MAP1B: variants seen among roughly 807,000 people sequenced by gnomAD.
MAP1B encodes the protein microtubule associated protein 1B, also known as microtubule-associated protein 1B.
Under a neutral mutation model 176.1 loss-of-function variants are expected in MAP1B, and 12 were observed. The ratio of observed to expected loss-of-function variants is 0.07; its 90% CI spans 0.04 to 0.11. The LOEUF (loss-of-function observed/expected upper bound fraction) is 0.11, where lower values mean the gene tolerates loss of function less well. MAP1B is among the 10% of genes least tolerant of loss of function. The probability of loss-of-function intolerance (pLI) is 1.00; values close to 1 mark genes in which losing one functional copy is unlikely to be tolerated. For missense variants in MAP1B, 2,523 were observed against 2,990.5 expected, an observed-to-expected ratio of 0.84 and a Z score of 3.65; for synonymous variants, 1,044 against 1,135.0, an observed-to-expected ratio of 0.92 and a Z score of 1.61.
intron 2 of MAP1B, among the ~76,000 whole-genome samples, chr5:72,164,076 C>T (rs1361790206): frequency 2.0e-5 from 3 of 151,418 alleles, no homozygotes; most frequent in Non-Finnish European, 4.4e-5. Flanking sequence ...AGGACAAGTA[C>T]TTGGGACATG....
intron 1 of MAP1B, 114 bp from the exon 2 acceptor site, chr5:72,115,584 A>G (rs1745417474): frequency 1.4e-6 from 1 of 698,818 alleles, no homozygotes; most frequent in Non-Finnish European, 2.6e-6. Context: ...GCTCTTCAGA[A>G]AAGGAGTTCC....
intron 2 of MAP1B, among the ~76,000 whole-genome samples, chr5:72,178,157 C>G (rs1746688724): frequency 6.6e-6 from 1 of 152,148 alleles, no homozygotes; most frequent in African/African-American, 2.4e-5. Flanking sequence ...CATGCACCAC[C>G]ATGCCTGGCT....
intron 1 of MAP1B, among the ~76,000 whole-genome samples, chr5:72,109,454 G>T (rs1745269655): frequency 6.6e-6 from 1 of 152,168 alleles, no homozygotes; most frequent in Non-Finnish European, 1.5e-5. Context: ...TTTGGGTGTG[G>T]CTATTGTGGG....
In MAP1B at chr5:72,195,732, G is replaced by A. The variant is rs765667619; in HGVS notation, c.2377G>A (p.Glu793Lys). Residue 793 changes from glutamate to lysine, a missense_variant, in exon 5 of 7, where the codon GAG becomes AAG. Coordinates refer to ENST00000296755, the MANE Select transcript of MAP1B (RefSeq NM_005909.5). ...KVIKKEGKAAEAVAAAVGTGA... is the reference protein window; with the variant it reads ...KVIKKEGKAAKAVAAAVGTGA... ...CATTAAGAAGGAAGGCAAGGCCGCA[G>A]AGGCTGTCGCTGCAGCTGTCGGCAC... is the stretch of plus-strand genomic sequence containing the variant. 1.2e-6 allele frequency: 2 copies of A among 1,614,264 alleles called. No homozygotes were observed. The highest frequency in any genetic ancestry group is 3.3e-4 in the Middle Eastern group (2 of 6,062).
intron 2 of MAP1B, among the ~76,000 whole-genome samples, chr5:72,128,448 A>G (rs1395788962): frequency 6.6e-6 from 1 of 152,052 alleles, no homozygotes; most frequent in African/African-American, 2.4e-5. Context: ...ACAGAGAAAA[A>G]AGAAAGTGTG....
chr5:72,130,409 A>G (rs1436363811), intron 2 of MAP1B, among the ~76,000 whole-genome samples: 1 of 152,220 alleles, frequency 6.6e-6, no homozygotes, highest in Non-Finnish European at 1.5e-5. Flanking sequence ...AGTGCCAGGC[A>G]TGTGGGCTTA....
At chr5:72,179,607 G>A in intron 2 of MAP1B, 1 of 985,498 alleles carries the variant, frequency 1.0e-6, no homozygotes, top group African/African-American at 1.7e-5. Flanking sequence ...GCGCGTCAGG[G>A]CCCCTCTGCC....
chr5:72,172,750 A>T (rs1057280058), intron 2 of MAP1B, among the ~76,000 whole-genome samples: 2 of 152,236 alleles, frequency 1.3e-5, no homozygotes, highest in African/African-American at 4.8e-5. Flanking sequence ...AATACATAAA[A>T]ATCATGTGAG....
intron 2 of MAP1B, among the ~76,000 whole-genome samples, chr5:72,122,739 A>G (rs891177658): frequency 6.6e-6 from 1 of 151,742 alleles, no homozygotes; most frequent in Middle Eastern, 3.4e-3. Flanking sequence ...ACCACTCAGC[A>G]TAGACAGGCA....
At chr5:72,193,825 C>G in intron 4 of MAP1B, 41 bp from the exon 5 acceptor site, 1 of 1,536,070 alleles carries the variant, frequency 6.5e-7, no homozygotes, top group Non-Finnish European at 8.7e-7. Context: ...ATGATAATCA[C>G]TTACACCTTT....
At chr5:72,107,820 TG>T in intron 1 of MAP1B, 105 bp downstream of exon 1, 1 of 1,175,714 alleles carries the variant, frequency 8.5e-7, no homozygotes, top group Non-Finnish European at 1.2e-6. Flanking sequence ...CCCGCACCCA[TG>T]CCTCTCCTCG....
intron 2 of MAP1B, among the ~76,000 whole-genome samples, chr5:72,121,695 A>G (rs1745532817): frequency 6.6e-6 from 1 of 152,226 alleles, no homozygotes; most frequent in Non-Finnish European, 1.5e-5. Context: ...ACTCTTAGAA[A>G]AGGTCTAAGA....
At position 72,198,409 on chromosome 5, in the gene MAP1B, C is replaced by A. The variant is rs762867503; in HGVS notation, c.5054C>A (p.Thr1685Asn). ...GVLHITENGPTEVDYSPSDMQ... is the reference protein window; with the variant it reads ...GVLHITENGPNEVDYSPSDMQ... Reference sequence around the variant, plus strand: ...CTTCACATCACTGAAAATGGGCCAACTGAAGTGGACTACAGTCCTTCTGAC... The same window carrying A: ...CTTCACATCACTGAAAATGGGCCAAATGAAGTGGACTACAGTCCTTCTGAC... The change falls in exon 5 of 7, where the codon ACT (threonine) becomes AAT (asparagine). Residue 1685 changes from threonine (T) to asparagine (N), a missense_variant. By Grantham distance (65) the Thr-to-Asn change is moderately conservative. Transcript: ENST00000296755. 5 of 1,614,038 alleles carry A rather than the reference C, an allele frequency of 3.1e-6. No individual in the cohort carries two copies. The African/African-American group carries it at 6.7e-5, about 22-fold the overall frequency.
At chr5:72,123,980 AAGAG>A (rs773130080) in intron 2 of MAP1B, among the ~76,000 whole-genome samples, 4 of 152,172 alleles carry the variant, frequency 2.6e-5, no homozygotes, top group Non-Finnish European at 5.9e-5. Flanking sequence ...GAGAGAGAGA[AAGAG>A]AGAGTGTGTG....
At chr5:72,128,443 GA>G (rs1745667405) in intron 2 of MAP1B, among the ~76,000 whole-genome samples, 1 of 150,646 alleles carries the variant, frequency 6.6e-6, no homozygotes, top group Non-Finnish European at 1.5e-5. Context: ...CTGCTACAGA[GA>G]AAAAAGAAAG....
At chr5:72,132,533 G>A (rs559918168) in intron 2 of MAP1B, among the ~76,000 whole-genome samples, 1 of 152,254 alleles carries the variant, frequency 6.6e-6, no homozygotes, top group East Asian at 1.9e-4. Context: ...ACATCACTGG[G>A]TCAATATTCT....
At position 72,195,753 on chromosome 5, in the gene MAP1B, G is replaced by A. The variant is rs778950672; in HGVS notation, c.2398G>A (p.Gly800Ser). 1.9e-5 allele frequency: 30 copies of A among 1,614,108 alleles called. No homozygotes were observed. Among genetic ancestry groups the A allele is most frequent in the African/African-American group, 2.7e-5 (2 of 74,936 alleles). ...KAAEAVAAAV[G>S]TGATTAAVMA... ...CGCAGAGGCTGTCGCTGCAGCTGTC[G>A]GCACTGGAGCCACCACAGCAGCTGT... The change falls in exon 5 of 7, where the codon GGC (glycine) becomes AGC (serine). Residue 800 changes from glycine (G) to serine (S), a missense_variant. Transcript: ENST00000296755.
At chr5:72,119,802 C>T (rs10058086) in intron 2 of MAP1B, among the ~76,000 whole-genome samples, 23,337 of 152,122 alleles carry the variant, frequency 0.15, 2,359 homozygotes, top group Non-Finnish European at 0.22. Flanking sequence ...CCACTGTGCC[C>T]GGCCAGAACA....
intron 2 of MAP1B, chr5:72,179,600 C>T (rs527424738): frequency 8.1e-6 from 8 of 985,398 alleles, no homozygotes; most frequent in Admixed American, 1.2e-4. Context: ...GGTGGGGGCG[C>T]GTCAGGGCCC....
Sources: allele counts gnomAD v4.1 joint callset (sites outside exome capture counted in the v4.1 genomes callset), GRCh38; gene constraint gnomAD v4.1.1; transcripts MANE v1.5; gene names NCBI Gene and HGNC (gene_info 2026-07-23, HGNC 2026-07-21).